The following TENT5D variants were observed in gnomAD, a reference collection of about 807,000 sequenced individuals.
TENT5D encodes the protein terminal nucleotidyltransferase 5D, also known as cancer/testis antigen 112.
For missense variants in TENT5D, 191 were observed against 287.0 expected (o/e 0.67, Z 2.42); for synonymous variants, 103 against 100.6 (o/e 1.02, Z -0.15).
At chrX:80,443,993 GA>G (rs1349386996) in exon 3 of TENT5D, 2 of 237,410 alleles carry the variant, frequency 8.4e-6, no homozygotes, top group African/African-American at 5.7e-5. Flanking sequence ...CAAATCTTTT[GA>G]CTACTTGTGA....
intron 3 of TENT5D, among the ~76,000 whole-genome samples, chrX:80,377,454 C>T (rs1009301719): frequency 4.5e-5 from 5 of 111,277 alleles, no homozygotes; most frequent in Non-Finnish European, 9.4e-5. Flanking sequence ...ACTCATTGTT[C>T]AGTTCCCACC....
At chrX:80,368,246 G>T (rs965445110) in intron 3 of TENT5D, among the ~76,000 whole-genome samples, 3 of 111,661 alleles carry the variant, frequency 2.7e-5, no homozygotes, top group Admixed American at 1.9e-4. Context: ...GCAAACTCTG[G>T]AATTATATTT....
chrX:80,425,714 G>T (rs767325209), intron 1 of TENT5D, among the ~76,000 whole-genome samples: 2 of 111,908 alleles, frequency 1.8e-5, no homozygotes, highest in Non-Finnish European at 3.8e-5. Flanking sequence ...ATCCCATATG[G>T]TTTTAGAACA....
At chrX:80,392,396 C>A (rs1569364987) in intron 3 of TENT5D, among the ~76,000 whole-genome samples, 1 of 106,945 alleles carries the variant, frequency 9.4e-6, no homozygotes, top group African/African-American at 3.4e-5. Context: ...CCACAAATAA[C>A]TTTGAGGCAC....
rs1170016830 is a variant in TENT5D at position 80,396,768 on chromosome X, C to T, written c.-141-41842C>T. 2.2e-4 allele frequency among the ~76,000 whole-genome samples: 22 copies of T among 99,731 alleles called. No individual in the cohort carries two copies. The East Asian group carries it at 5.6e-3, about 26-fold the overall frequency. 86.6% of individuals were successfully genotyped at this position (99,731 alleles called of 115,157 possible). A position where few individuals can be genotyped will look rare whatever the true frequency, so the allele number is the denominator to read the frequency against. On this transcript the variant is annotated intron_variant, in intron 3 of 4. Transcript: ENST00000538312. ...CAAAACCACCATTGTCATCATGGCC[C>T]GTTCTCAATGAGCTGTTGGGTACAC... is the stretch of plus-strand genomic sequence containing the variant.
chrX:80,372,579 T>C (rs1225722942), intron 3 of TENT5D, among the ~76,000 whole-genome samples: 1 of 110,976 alleles, frequency 9.0e-6, no homozygotes, highest in Non-Finnish European at 1.9e-5. Context: ...TGGATTTTGA[T>C]TGATCTCATA....
intron 3 of TENT5D, among the ~76,000 whole-genome samples, chrX:80,409,764 A>G (rs1352434641): frequency 9.4e-6 from 1 of 106,202 alleles, no homozygotes; most frequent in Admixed American, 1.0e-4. Context: ...TTCATATGGA[A>G]CCAAAAAAGA....
rs147635678 is a variant in TENT5D at position 80,359,043 on chromosome X, A to G, written c.-142+16479A>G. On this transcript the variant is annotated intron_variant, in intron 3 of 4. Coordinates refer to the TENT5D transcript ENST00000538312. ...GTAAACATTTATGCTGCCAACAAAC[A>G]TATGAAAAAAAGCTCATCATCACTG... Among the ~76,000 whole-genome samples the G allele has an allele frequency of 3.7e-3, 412 of 112,451 alleles. 4 individuals carry two copies. Among genetic ancestry groups the G allele is most frequent in the African/African-American group, 0.013 (399 of 30,957 alleles).
intron 3 of TENT5D, among the ~76,000 whole-genome samples, chrX:80,409,154 C>A (rs935935334): frequency 2.7e-5 from 3 of 109,837 alleles, no homozygotes; most frequent in Admixed American, 1.9e-4. Flanking sequence ...ACTGAATGGG[C>A]AAAAACTGGA....
intron 1 of TENT5D, among the ~76,000 whole-genome samples, chrX:80,431,776 A>G (rs1932093376): frequency 1.8e-5 from 2 of 111,738 alleles, no homozygotes; most frequent in African/African-American, 6.5e-5. Context: ...AACACATGGG[A>G]ATTCAAGATG....
upstream of TENT5D, among the ~76,000 whole-genome samples, chrX:80,416,184 G>C (rs891263120): frequency 9.8e-6 from 1 of 102,476 alleles, no homozygotes; most frequent in Non-Finnish European, 2.0e-5. Context: ...TCTCTCTTTT[G>C]TCTTTACTAA....
intron 2 of TENT5D, among the ~76,000 whole-genome samples, chrX:80,337,479 T>C (rs1252655837): frequency 8.9e-6 from 1 of 112,028 alleles, no homozygotes; most frequent in Non-Finnish European, 1.9e-5. Context: ...GTGATGCCTA[T>C]TTTTTAATTT....
At chrX:80,386,485 A>T (rs1333867130) in intron 3 of TENT5D, among the ~76,000 whole-genome samples, 1 of 111,264 alleles carries the variant, frequency 9.0e-6, no homozygotes, top group African/African-American at 3.3e-5. Flanking sequence ...CAGCACACCA[A>T]CATGGCACAT....
At chrX:80,442,407 C>T in intron 2 of TENT5D, 115 bp from the exon 3 acceptor site, 1 of 460,567 alleles carries the variant, frequency 2.2e-6, no homozygotes, top group Non-Finnish European at 3.6e-6. Flanking sequence ...AATTTCCTCC[C>T]TAGTATTATC....
intron 3 of TENT5D, among the ~76,000 whole-genome samples, chrX:80,355,227 G>A (rs777125304): frequency 2.2e-4 from 25 of 111,770 alleles, no homozygotes; most frequent in African/African-American, 8.1e-4. Flanking sequence ...TGGGTAGCTG[G>A]GCTTTGCTGG....
chrX:80,383,420 G>C, intron 3 of TENT5D, among the ~76,000 whole-genome samples: 1 of 111,809 alleles, frequency 8.9e-6, no homozygotes. Flanking sequence ...CTTTCTTCTA[G>C]AAAAGAAGAC....
chrX:80,409,948 C>G (rs1396745863), intron 3 of TENT5D, among the ~76,000 whole-genome samples: 1 of 109,433 alleles, frequency 9.1e-6, no homozygotes, highest in Non-Finnish European at 1.9e-5. Context: ...CACCGCATAT[C>G]TACAACTATC....
chrX:80,405,542 G>C (rs1014585246), intron 3 of TENT5D, among the ~76,000 whole-genome samples: 1 of 112,259 alleles, frequency 8.9e-6, no homozygotes, highest in Non-Finnish European at 1.9e-5. Flanking sequence ...TGCGCTTTTC[G>C]GACCGGCTTA....
At chrX:80,393,876 C>T (rs1931187181) in intron 3 of TENT5D, among the ~76,000 whole-genome samples, 1 of 111,919 alleles carries the variant, frequency 8.9e-6, no homozygotes, top group South Asian at 3.7e-4. Context: ...CATGTTTTTG[C>T]AGATGACAGA....
Sources: allele counts gnomAD v4.1 joint callset (sites outside exome capture counted in the v4.1 genomes callset), GRCh38; gene constraint gnomAD v4.1.1; transcripts MANE v1.5; gene names NCBI Gene and HGNC (gene_info 2026-07-23, HGNC 2026-07-21).